Variants in SH3RF1 observed in about 807,000 individuals in gnomAD.
SH3RF1 encodes the protein SH3 domain containing ring finger 1.
SH3RF1 carries 32 observed loss-of-function variants against 74.0 expected under a neutral mutation model. The ratio of observed to expected loss-of-function variants is 0.43; its 90% CI spans 0.33 to 0.58. SH3RF1 has a LOEUF of 0.58. SH3RF1 is among the 20% of genes least tolerant of loss of function. The pLI is 0.05. For missense variants in SH3RF1, 954 were observed against 1,130.9 expected, an observed-to-expected ratio of 0.84 and a Z score of 2.24; for synonymous variants, 396 against 439.6, an observed-to-expected ratio of 0.90 and a Z score of 1.24.
chr4:169,269,942 T>C (rs1433624915), intron 1 of SH3RF1: 4 of 152,352 alleles, frequency 2.6e-5, no homozygotes, highest in Middle Eastern at 3.4e-3. Flanking sequence ...TTCAGGGCAG[T>C]AGTTGATAAA....
intron 4 of SH3RF1, among the ~76,000 whole-genome samples, chr4:169,148,457 G>A (rs10009429): frequency 0.19 from 29,518 of 152,130 alleles, 2,965 homozygotes; most frequent in African/African-American, 0.25. Context: ...TATCATTAAA[G>A]CATAAGGAAA....
intron 4 of SH3RF1, among the ~76,000 whole-genome samples, chr4:169,153,993 T>C (rs1189348105): frequency 6.6e-6 from 1 of 152,146 alleles, no homozygotes; most frequent in Non-Finnish European, 1.5e-5. Context: ...TTTTCATGCA[T>C]CACAAACCAA....
chr4:169,115,847 A>T (rs1733323454), intron 10 of SH3RF1, among the ~76,000 whole-genome samples: 1 of 152,168 alleles, frequency 6.6e-6, no homozygotes, highest in Admixed American at 6.5e-5. Context: ...TCACACATAT[A>T]TATTTTTAAC....
At chr4:169,157,525 T>G (rs891762020) in intron 2 of SH3RF1, among the ~76,000 whole-genome samples, 6 of 152,190 alleles carry the variant, frequency 3.9e-5, no homozygotes, top group African/African-American at 1.4e-4. Flanking sequence ...ATATGATACT[T>G]TTCAACGGCA....
chr4:169,136,097 G>GA (rs1733695062), intron 5 of SH3RF1, among the ~76,000 whole-genome samples: 1 of 152,164 alleles, frequency 6.6e-6, no homozygotes, highest in African/African-American at 2.4e-5. Context: ...TCTTTCCTTT[G>GA]AAAATGACAG....
intron 2 of SH3RF1, among the ~76,000 whole-genome samples, chr4:169,200,765 T>G (rs1327125976): frequency 3.3e-5 from 5 of 152,152 alleles, no homozygotes; most frequent in Admixed American, 1.3e-4. Context: ...AATCACAGAT[T>G]AGGAAGATAC....
intron 2 of SH3RF1, among the ~76,000 whole-genome samples, chr4:169,186,614 A>G (rs910784736): frequency 6.6e-6 from 1 of 151,276 alleles, no homozygotes; most frequent in Non-Finnish European, 1.5e-5. Context: ...TTTGACTATT[A>G]AAAGTCAAGA....
At chr4:169,195,657 CT>C (rs1345284106) in intron 2 of SH3RF1, among the ~76,000 whole-genome samples, 3 of 151,874 alleles carry the variant, frequency 2.0e-5, no homozygotes, top group Non-Finnish European at 4.4e-5. Context: ...TACATATTTT[CT>C]TTCAGCTCTT....
intron 3 of SH3RF1, among the ~76,000 whole-genome samples, 177 bp downstream of exon 3, chr4:169,156,227 C>T (rs1209241515): frequency 1.3e-5 from 2 of 152,170 alleles, no homozygotes; most frequent in South Asian, 4.1e-4. Context: ...GAAGTCTGTG[C>T]ATAAAATTAC....
intron 6 of SH3RF1, among the ~76,000 whole-genome samples, chr4:169,128,273 T>C (rs899419498): frequency 6.6e-6 from 1 of 152,140 alleles, no homozygotes; most frequent in Admixed American, 6.5e-5. Context: ...TTGGCTCTGG[T>C]CAAATATCCA....
chr4:169,107,258 G>A (rs1466593114), intron 10 of SH3RF1, 53 bp from the exon 11 acceptor site: 46 of 1,472,352 alleles, frequency 3.1e-5, no homozygotes, highest in African/African-American at 4.2e-5. Flanking sequence ...ACTATTGCTG[G>A]TGTAATCTAA....
In SH3RF1 at chr4:169,268,956, C is replaced by T. The variant is rs1731399919; in HGVS notation, c.257G>A (p.Gly86Asp). ...IKQRPWKPGP[G>D]GGSGTNCTNA... is the part of the protein sequence containing the mutation. ...TGTGCAGTTGGTCCCACTTCCCCCA[C>T]CAGGACCAGGTTTCCAAGGCCTCTG... The change falls in exon 2 of 12, where the codon GGT becomes GAT. Residue 86 changes from glycine to aspartate, a missense_variant. Coordinates refer to ENST00000284637, the MANE Select transcript of SH3RF1 (RefSeq NM_020870.4). The T allele has an allele frequency of 6.2e-7, 1 of 1,614,076 alleles. No individual in the cohort carries two copies. Among genetic ancestry groups the T allele is most frequent in the Admixed American group, 1.7e-5 (1 of 60,004 alleles).
At chr4:169,202,790 C>G (rs1419404021) in intron 2 of SH3RF1, among the ~76,000 whole-genome samples, 2 of 152,156 alleles carry the variant, frequency 1.3e-5, no homozygotes, top group Non-Finnish European at 2.9e-5. Flanking sequence ...TCATCAGATA[C>G]TTAAACTTTG....
At chr4:169,200,882 C>G (rs1213419100) in intron 2 of SH3RF1, among the ~76,000 whole-genome samples, 2 of 151,998 alleles carry the variant, frequency 1.3e-5, no homozygotes, top group South Asian at 2.1e-4. Context: ...CTTAATGGGT[C>G]AGAACAGCTA....
chr4:169,251,368 C>T (rs1207088035), intron 2 of SH3RF1, among the ~76,000 whole-genome samples: 2 of 152,188 alleles, frequency 1.3e-5, no homozygotes, highest in African/African-American at 4.8e-5. Flanking sequence ...GTCAGAATAA[C>T]TGAAGAGTAT....
intron 2 of SH3RF1, among the ~76,000 whole-genome samples, chr4:169,206,142 T>C (rs1487154840): frequency 6.6e-6 from 1 of 152,368 alleles, no homozygotes; most frequent in South Asian, 2.1e-4. Context: ...AAAGAGCATC[T>C]CTTGCATATC....
intron 2 of SH3RF1, among the ~76,000 whole-genome samples, chr4:169,214,603 G>C (rs1392797202): frequency 6.6e-6 from 1 of 152,036 alleles, no homozygotes; most frequent in Non-Finnish European, 1.5e-5. Context: ...TCTTTCATCG[G>C]ATTTTTGTAG....
Position 169,156,463 on chromosome 4 carries a change from G to T in SH3RF1, c.610C>A (p.Leu204Ile). The T allele has an allele frequency of 6.2e-7, 1 of 1,611,034 alleles. No individual in the cohort carries two copies. The highest frequency in any genetic ancestry group is 2.2e-5 in the East Asian group (1 of 44,768). ...LPQPPPQCKA[L>I]YDFEVKDKEA... The stretch of plus-strand genomic sequence containing the variant: ...TTGTCTTTCACTTCAAAGTCATAAA[G>T]TGCTTTGCACTGAGGTGGGGGCTGA... The change falls in exon 3 of 12, where the codon CTT (leucine) becomes ATT (isoleucine). Residue 204 changes from leucine (L) to isoleucine (I), a missense_variant. This residue lies in a region of SH3RF1 where 854 missense variants were observed against 962.5 expected (regional missense o/e 0.89). Transcript: ENST00000284637.
intron 11 of SH3RF1, among the ~76,000 whole-genome samples, chr4:169,103,876 A>G (rs930830226): frequency 6.6e-6 from 1 of 152,188 alleles, no homozygotes; most frequent in Non-Finnish European, 1.5e-5. Flanking sequence ...CCACTTGTAA[A>G]AATTTAAATG....
Sources: allele counts gnomAD v4.1 joint callset (sites outside exome capture counted in the v4.1 genomes callset), GRCh38; gene constraint gnomAD v4.1.1; regional missense constraint gnomAD v4.1.1; transcripts MANE v1.5; gene names NCBI Gene and HGNC (gene_info 2026-07-23, HGNC 2026-07-21).